TMTC2: variants seen among roughly 807,000 people sequenced by gnomAD.
The protein encoded by TMTC2 is transmembrane O-mannosyltransferase targeting cadherins 2.
A neutral mutation model predicts 82.4 loss-of-function variants in TMTC2; 43 were observed. The observed-to-expected ratio is 0.52, with a 90% CI of 0.41 to 0.67. The LOEUF (loss-of-function observed/expected upper bound fraction) is 0.67. TMTC2 is among the 30% of genes least tolerant of loss of function. The pLI, the probability that TMTC2 is intolerant of heterozygous loss-of-function variation, is 0.00. For missense variants in TMTC2, 919 were observed against 1,012.4 expected, an observed-to-expected ratio of 0.91 and a Z score of 1.25; for synonymous variants, 408 against 381.9, an observed-to-expected ratio of 1.07 and a Z score of -0.80.
intron 4 of TMTC2, among the ~76,000 whole-genome samples, chr12:82,947,663 G>A (rs941791544): frequency 1.3e-5 from 2 of 152,092 alleles, no homozygotes; most frequent in South Asian, 4.1e-4. Context: ...AGCAACAATC[G>A]ATGGCTTGGA....
chr12:83,069,736 T>C (rs1352854306), intron 11 of TMTC2, among the ~76,000 whole-genome samples: 1 of 152,174 alleles, frequency 6.6e-6, no homozygotes, highest in Admixed American at 6.5e-5. Flanking sequence ...TTTATTGCAT[T>C]TGCTTTTGGG....
chr12:83,005,197 T>C (rs1249849255), intron 8 of TMTC2, among the ~76,000 whole-genome samples: 1 of 80,340 alleles, frequency 1.2e-5, no homozygotes, highest in Non-Finnish European at 2.4e-5. Context: ...GAGCTAGACT[T>C]TGTCTTATTA....
At chr12:82,724,780 T>G (rs2136931021) in intron 1 of TMTC2, among the ~76,000 whole-genome samples, 1 of 152,336 alleles carries the variant, frequency 6.6e-6, no homozygotes, top group Middle Eastern at 3.4e-3. Flanking sequence ...CATTATTGAA[T>G]AATGTTACTG....
chr12:83,116,934 A>G (rs552390653), intron 11 of TMTC2, among the ~76,000 whole-genome samples: 38 of 152,226 alleles, frequency 2.5e-4, no homozygotes, highest in African/African-American at 9.2e-4. Context: ...TAGTTTAATT[A>G]AGTTCCAGCT....
intron 4 of TMTC2, among the ~76,000 whole-genome samples, chr12:82,958,030 C>T (rs781353345): frequency 6.6e-6 from 1 of 152,012 alleles, no homozygotes; most frequent in Non-Finnish European, 1.5e-5. Context: ...TTCTATGAAG[C>T]CAGCATCACC....
rs534570581 is a variant in TMTC2, at chr12:82,939,001, G to A, written c.1598+8456G>A. Among the ~76,000 whole-genome samples the A allele has an allele frequency of 1.8e-4, 27 of 152,200 alleles. No individual in the cohort carries two copies. In the South Asian group the frequency reaches 4.6e-3, roughly 26 times the overall value. ...GACTTTTTTACGTGTGTGCAGATAC[G>A]TCAGAATTCGTATAATCGTCTTCAT... is the stretch of plus-strand genomic sequence containing the variant. On this transcript the variant is annotated intron_variant, in intron 4 of 11. Transcript: ENST00000321196.
At chr12:82,895,144 C>T (rs901392364) in intron 2 of TMTC2, among the ~76,000 whole-genome samples, 1 of 151,842 alleles carries the variant, frequency 6.6e-6, no homozygotes, top group African/African-American at 2.4e-5. Context: ...TAAAAGCTGT[C>T]ATCAACATGA....
intron 6 of TMTC2, among the ~76,000 whole-genome samples, chr12:82,966,315 G>C (rs539609609): frequency 1.4e-4 from 22 of 152,182 alleles, no homozygotes; most frequent in South Asian, 6.2e-4. Flanking sequence ...AGGTGACCCA[G>C]ACTAGTCCTC....
chr12:83,045,736 C>CACACACACACACACACACACACACACAG (rs1565867393), intron 9 of TMTC2, among the ~76,000 whole-genome samples: 1 of 151,248 alleles, frequency 6.6e-6, no homozygotes, highest in Non-Finnish European at 1.5e-5. Context: ...CGCACACACA[C>CACACACACACACACACACACACACACAG]ACACACACAC....
At chr12:82,824,962 G>C (rs1426977497) in intron 1 of TMTC2, among the ~76,000 whole-genome samples, 2 of 152,064 alleles carry the variant, frequency 1.3e-5, no homozygotes, top group African/African-American at 4.8e-5. Flanking sequence ...GGTGGCGCGT[G>C]CCTGTTATCC....
chr12:82,726,052 A>G (rs1196790095), intron 1 of TMTC2, among the ~76,000 whole-genome samples: 1 of 152,240 alleles, frequency 6.6e-6, no homozygotes, highest in Non-Finnish European at 1.5e-5. Flanking sequence ...TCCCCCACAA[A>G]GGACCACTTT....
At chr12:82,991,673 G>T (rs1374850901) in intron 8 of TMTC2, among the ~76,000 whole-genome samples, 1 of 152,140 alleles carries the variant, frequency 6.6e-6, no homozygotes, top group Non-Finnish European at 1.5e-5. Flanking sequence ...AGATGAGTTT[G>T]AATTGCTCTG....
chr12:82,931,860 T>G (rs1219131371), intron 4 of TMTC2, among the ~76,000 whole-genome samples: 1 of 152,168 alleles, frequency 6.6e-6, no homozygotes, highest in Non-Finnish European at 1.5e-5. Flanking sequence ...GGACTGACCC[T>G]CCTGCAGTTC....
intron 3 of TMTC2, among the ~76,000 whole-genome samples, chr12:82,916,326 G>A (rs1874996407): frequency 6.6e-6 from 1 of 152,144 alleles, no homozygotes. Context: ...CATTATATTT[G>A]AAAATGCAGT....
chr12:82,809,713 C>A (rs1019799397), intron 1 of TMTC2, among the ~76,000 whole-genome samples: 3 of 152,096 alleles, frequency 2.0e-5, no homozygotes, highest in Non-Finnish European at 4.4e-5. Context: ...TGCAATAAGT[C>A]ATTGCCAGTT....
intron 4 of TMTC2, among the ~76,000 whole-genome samples, chr12:82,951,966 T>C (rs913075634): frequency 9.2e-5 from 14 of 152,156 alleles, no homozygotes; most frequent in Admixed American, 7.2e-4. Flanking sequence ...GAGAATTCTT[T>C]TGCTTGGTCC....
intron 4 of TMTC2, among the ~76,000 whole-genome samples, chr12:82,938,297 A>G (rs191149735): frequency 6.6e-6 from 1 of 152,182 alleles, no homozygotes; most frequent in Non-Finnish European, 1.5e-5. Context: ...AGAGGTTACA[A>G]TGGTCAGAGA....
chr12:82,721,728 A>G (rs938357115), intron 1 of TMTC2, among the ~76,000 whole-genome samples: 1 of 152,244 alleles, frequency 6.6e-6, no homozygotes, highest in African/African-American at 2.4e-5. Flanking sequence ...ATATTTATGG[A>G]AAAGTCAGTG....
chr12:82,930,050 T>A (rs1345700948), intron 3 of TMTC2, among the ~76,000 whole-genome samples: 1 of 152,138 alleles, frequency 6.6e-6, no homozygotes, highest in Non-Finnish European at 1.5e-5. Flanking sequence ...GAATGAAATA[T>A]TTGTTTATTT....
Sources: allele counts gnomAD v4.1 joint callset (sites outside exome capture counted in the v4.1 genomes callset), GRCh38; gene constraint gnomAD v4.1.1; transcripts MANE v1.5; gene names NCBI Gene and HGNC (gene_info 2026-07-23, HGNC 2026-07-21).